FSTL4: variants seen among roughly 807,000 people sequenced by gnomAD.
The protein encoded by FSTL4 is follistatin like 4.
Under a neutral mutation model 78.2 loss-of-function variants are expected in FSTL4, and 28 were observed. The observed-to-expected ratio is 0.36, with a 90% CI of 0.27 to 0.49. The LOEUF (loss-of-function observed/expected upper bound fraction) is 0.49, where lower values mean the gene tolerates loss of function less well. FSTL4 is among the 20% of genes least tolerant of loss of function. The pLI, the probability that FSTL4 is intolerant of heterozygous loss-of-function variation, is 0.98. For synonymous variants in FSTL4, 422 were observed against 440.5 expected (o/e 0.96, Z 0.53); for missense variants, 922 against 1,084.9 (o/e 0.85, Z 2.11).
intron 3 of FSTL4, among the ~76,000 whole-genome samples, chr5:133,499,226 G>A (rs1371328749): frequency 6.6e-6 from 1 of 152,046 alleles, no homozygotes; most frequent in Non-Finnish European, 1.5e-5. Context: ...CCTGTCTAAT[G>A]TCCTGGGATG....
the FSTL4 span, among the ~76,000 whole-genome samples, chr5:133,679,484 C>A: frequency 0.019 from 2,943 of 152,156 alleles, 99 homozygotes; most frequent in African/African-American, 0.068. Flanking sequence ...TGGTCTTGGA[C>A]CATTTCCTAG....
chr5:133,840,155 T>G, the FSTL4 span, among the ~76,000 whole-genome samples: 1 of 152,244 alleles, frequency 6.6e-6, no homozygotes, highest in African/African-American at 2.4e-5. Flanking sequence ...ACCAATCTTT[T>G]GATAATTTAG....
intron 15 of FSTL4, among the ~76,000 whole-genome samples, chr5:133,200,429 G>A (rs141458288): frequency 8.5e-5 from 13 of 152,356 alleles, no homozygotes; most frequent in Non-Finnish European, 1.8e-4. Flanking sequence ...TTTTCCCTCC[G>A]GAGCCAGATG....
chr5:133,321,491 T>A (rs114618403), intron 4 of FSTL4, among the ~76,000 whole-genome samples: 1 of 152,160 alleles, frequency 6.6e-6, no homozygotes, highest in Non-Finnish European at 1.5e-5. Flanking sequence ...TGGCAGAGGC[T>A]TGGGGACCAC....
chr5:133,608,034 C>A (rs913173463), intron 1 of FSTL4, among the ~76,000 whole-genome samples: 1 of 152,180 alleles, frequency 6.6e-6, no homozygotes, highest in Non-Finnish European at 1.5e-5. Context: ...AATCTGTTAA[C>A]AAATTAATTA....
chr5:133,362,104 G>A (rs909633486), intron 4 of FSTL4, among the ~76,000 whole-genome samples: 1 of 152,032 alleles, frequency 6.6e-6, no homozygotes, highest in Non-Finnish European at 1.5e-5. Context: ...TTATCTCGTT[G>A]CCAATGGCAA....
intron 4 of FSTL4, among the ~76,000 whole-genome samples, chr5:133,379,891 A>G (rs1755524848): frequency 6.6e-6 from 1 of 152,030 alleles, no homozygotes; most frequent in Non-Finnish European, 1.5e-5. Context: ...CCTGGCCAAC[A>G]TGGTGAAACC....
At chr5:133,446,833 T>C (rs1246721137) in intron 3 of FSTL4, among the ~76,000 whole-genome samples, 3 of 152,148 alleles carry the variant, frequency 2.0e-5, no homozygotes, top group Non-Finnish European at 4.4e-5. Flanking sequence ...GCTCTGTGGC[T>C]CCACTCATCC....
chr5:133,824,814 T>C, the FSTL4 span, among the ~76,000 whole-genome samples: 1 of 151,792 alleles, frequency 6.6e-6, no homozygotes, highest in East Asian at 1.9e-4. Context: ...ACATACCATG[T>C]CCAATGGCTG....
intron 12 of FSTL4, among the ~76,000 whole-genome samples, chr5:133,218,555 C>T (rs1345512525): frequency 3.3e-5 from 5 of 152,182 alleles, no homozygotes; most frequent in Non-Finnish European, 7.3e-5. Context: ...ATTCGGTCTG[C>T]TGCTTTTCTC....
chr5:133,817,260 G>A, the FSTL4 span, among the ~76,000 whole-genome samples: 1 of 152,210 alleles, frequency 6.6e-6, no homozygotes, highest in South Asian at 2.1e-4. Flanking sequence ...GTAAGGAGTG[G>A]AGCCAGGGTG....
chr5:133,297,575 T>C (rs114953775), intron 6 of FSTL4, among the ~76,000 whole-genome samples: 1,866 of 152,334 alleles, frequency 0.012, 35 homozygotes, highest in African/African-American at 0.042. Context: ...AATGAGATAA[T>C]GTTAAGCTGC....
chr5:133,713,997 C>T, the FSTL4 span, among the ~76,000 whole-genome samples: 2 of 152,308 alleles, frequency 1.3e-5, no homozygotes, highest in Middle Eastern at 6.8e-3. Context: ...GTTTTTCTCA[C>T]AGCAACAAGG....
the FSTL4 span, among the ~76,000 whole-genome samples, chr5:133,749,235 G>A: frequency 6.6e-6 from 1 of 152,224 alleles, no homozygotes. Context: ...GTTTAGGGAA[G>A]TAGCAAATGA....
chr5:133,605,844 T>C (rs141241848), intron 1 of FSTL4, among the ~76,000 whole-genome samples: 220 of 152,246 alleles, frequency 1.4e-3, no homozygotes, highest in African/African-American at 5.1e-3. Flanking sequence ...GGGTGGTCAG[T>C]AAATATAATC....
chr5:133,715,646 A>G, the FSTL4 span, among the ~76,000 whole-genome samples: 1 of 152,224 alleles, frequency 6.6e-6, no homozygotes, highest in African/African-American at 2.4e-5. Flanking sequence ...TTCTCAAAGG[A>G]CAAGCAGCCA....
chr5:133,260,491 G>A (rs1449592957), intron 6 of FSTL4, among the ~76,000 whole-genome samples: 2 of 152,190 alleles, frequency 1.3e-5, no homozygotes, highest in East Asian at 3.8e-4. Context: ...CTGATGAGGG[G>A]TTCCTGTGCC....
chr5:133,798,406 T>TA, the FSTL4 span, among the ~76,000 whole-genome samples: 1 of 151,964 alleles, frequency 6.6e-6, no homozygotes, highest in African/African-American at 2.4e-5. Context: ...GAAGTTTTTT[T>TA]AAAAAATGCC....
the FSTL4 span, among the ~76,000 whole-genome samples, chr5:133,765,672 C>A: frequency 5.3e-5 from 8 of 152,176 alleles, no homozygotes; most frequent in Non-Finnish European, 5.9e-5. Context: ...GAACAGAGGC[C>A]GAGCACAGTG....
Sources: gnomAD v4.1 joint callset for allele counts (sites outside exome capture counted in the v4.1 genomes callset) on GRCh38, gnomAD v4.1.1 for gene constraint, MANE v1.5 for transcripts, NCBI Gene and HGNC (gene_info 2026-07-23, HGNC 2026-07-21) for gene names.